MEGF9: variants seen among roughly 807,000 people sequenced by gnomAD.
MEGF9 encodes multiple epidermal growth factor-like domains protein 9.
In MEGF9, 6 loss-of-function variants were observed where a neutral mutation model predicts 46.8. The ratio of observed to expected loss-of-function variants is 0.13; its 90% CI spans 0.07 to 0.25. The LOEUF is 0.25. Among genes scored for constraint, MEGF9 ranks in the 10% least tolerant of loss-of-function variants. The pLI is 1.00. For synonymous variants in MEGF9, 302 were observed against 330.7 expected (o/e 0.91, Z 0.94); for missense variants, 683 against 792.4 (o/e 0.86, Z 1.66).
intron 1 of MEGF9, among the ~76,000 whole-genome samples, chr9:120,711,016 A>C (rs1261001870): frequency 1.3e-5 from 2 of 152,262 alleles, no homozygotes; most frequent in East Asian, 1.9e-4. Flanking sequence ...CACAGACGTA[A>C]GTATAATGTT....
intron 1 of MEGF9, among the ~76,000 whole-genome samples, chr9:120,667,218 G>A (rs1261982855): frequency 6.6e-6 from 1 of 152,192 alleles, no homozygotes; most frequent in Non-Finnish European, 1.5e-5. Flanking sequence ...ACTAATGATT[G>A]AGGCTTTTTC....
chr9:120,614,017 A>ATTT (rs5900454), intron 3 of MEGF9, among the ~76,000 whole-genome samples: 6 of 147,312 alleles, frequency 4.1e-5, no homozygotes, highest in Non-Finnish European at 6.0e-5. Context: ...AAAAAGCTCA[A>ATTT]TTTTTTTTTT....
Position 120,687,636 on chromosome 9 carries a change from T to G in MEGF9, c.601+26122A>C, listed in dbSNP as rs140018017. ...GAGTTTAAAAAAAGCATGGTAAGAG[T>G]TCATTATACAAAATTTGAAACATGA... On this transcript the variant is annotated intron_variant, in intron 1 of 5. Transcript: ENST00000373930. Among the ~76,000 whole-genome samples the G allele has an allele frequency of 2.8e-3, 420 of 150,262 alleles. 4 individuals carry two copies. The highest frequency in any genetic ancestry group is 9.9e-3 in the African/African-American group (403 of 40,836).
rs745974350 is a variant in MEGF9 at position 120,659,555 on chromosome 9, C to A, written c.622G>T (p.Val208Leu). Reference sequence around the variant, plus strand: ...CGATTCACATTCAGGCTTCCAACCACAGAGCAGTTACATACATACTCTGCA... The same window carrying A: ...CGATTCACATTCAGGCTTCCAACCAAAGAGCAGTTACATACATACTCTGCA... ...PPPEYVCNCS[V>L]VGSLNVNRCN... The change falls in exon 2 of 6, where the codon GTG becomes TTG. Residue 208 changes from valine (V) to leucine (L), a missense_variant. Transcript: ENST00000373930. 1 of 1,612,302 alleles carries A rather than the reference C, an allele frequency of 6.2e-7. No individual in the cohort carries two copies. Among genetic ancestry groups the A allele is most frequent in the East Asian group, 2.2e-5 (1 of 44,844 alleles).
intron 2 of MEGF9, among the ~76,000 whole-genome samples, chr9:120,653,262 A>T (rs1587985193): frequency 6.6e-6 from 1 of 152,090 alleles, no homozygotes; most frequent in African/African-American, 2.4e-5. Context: ...TAGAGCTCCT[A>T]AGCCTTCCTT....
intron 1 of MEGF9, among the ~76,000 whole-genome samples, chr9:120,669,248 A>C (rs1587990160): frequency 6.6e-6 from 1 of 152,298 alleles, no homozygotes; most frequent in East Asian, 1.9e-4. Context: ...TTGCTCAATG[A>C]TGGCAAATTT....
chr9:120,666,679 C>A (rs931519325), intron 1 of MEGF9, among the ~76,000 whole-genome samples: 1 of 152,254 alleles, frequency 6.6e-6, no homozygotes, highest in Admixed American at 6.5e-5. Flanking sequence ...GTTATAGTCA[C>A]ACAAAAACTT....
intron 2 of MEGF9, among the ~76,000 whole-genome samples, chr9:120,634,011 A>G (rs1336417760): frequency 6.6e-6 from 1 of 152,200 alleles, no homozygotes; most frequent in African/African-American, 2.4e-5. Flanking sequence ...CATGTGGTCT[A>G]TCCTGGAGAA....
chr9:120,650,784 T>G (rs17279091), intron 2 of MEGF9, among the ~76,000 whole-genome samples: 1,818 of 152,166 alleles, frequency 0.012, 28 homozygotes, highest in African/African-American at 0.042. Flanking sequence ...ATTTCTTATG[T>G]CATTGTATAA....
intron 1 of MEGF9, among the ~76,000 whole-genome samples, chr9:120,703,241 G>T (rs62578020): frequency 0.056 from 8,463 of 152,264 alleles, 311 homozygotes; most frequent in Middle Eastern, 0.088. Context: ...AGAATACAAT[G>T]CATGTCTAGT....
intron 1 of MEGF9, among the ~76,000 whole-genome samples, chr9:120,705,634 T>A (rs1230767635): frequency 1.3e-5 from 2 of 152,080 alleles, no homozygotes; most frequent in African/African-American, 4.8e-5. Flanking sequence ...GAGATTATTT[T>A]GATACAAATT....
chr9:120,602,558 C>T lies in MEGF9; in HGVS notation c.*2632G>A, dbSNP rs964848731. The T allele has an allele frequency of 2.6e-5, 4 of 152,170 alleles. No individual in the cohort carries two copies. Among genetic ancestry groups the T allele is most frequent in the Admixed American group, 2.6e-4 (4 of 15,260 alleles). The allele number at this position is 152,170 out of a possible 1,614,324, so 9.4% of individuals were successfully genotyped here. The stretch of plus-strand genomic sequence containing the variant: ...TTTTTCCCATTGAGAAAAATTATAA[C>T]CATGATCTAGGAGCCATTAACAAGT... On this transcript the variant is annotated 3_prime_UTR_variant, in exon 6 of 6. Coordinates refer to ENST00000373930, the MANE Select transcript of MEGF9 (RefSeq NM_001080497.3).
intron 1 of MEGF9, among the ~76,000 whole-genome samples, chr9:120,671,616 GT>G (rs1334895163): frequency 6.6e-6 from 1 of 152,156 alleles, no homozygotes; most frequent in Admixed American, 6.5e-5. Context: ...AGAATTTATA[GT>G]TTAAAACCTT....
intron 1 of MEGF9, among the ~76,000 whole-genome samples, chr9:120,677,155 A>C (rs1292715684): frequency 6.6e-6 from 1 of 151,558 alleles, no homozygotes; most frequent in Non-Finnish European, 1.5e-5. Context: ...ATGTGACCGG[A>C]TCTCCCTCGG....
rs2043418880 is a variant in MEGF9, at chr9:120,605,984, C to T, written c.1358-343G>A. Among the ~76,000 whole-genome samples the T allele has an allele frequency of 6.6e-6, 1 of 151,708 alleles. No individual in the cohort carries two copies. The highest frequency in any genetic ancestry group is 2.4e-5 in the African/African-American group (1 of 41,278). ...GTCAGGAGTTCAAGACCAGCCTGGC[C>T]AAGATGGTGAAACCTGTCTCTACTG... On this transcript the variant is annotated intron_variant, in intron 5 of 5. Transcript: ENST00000373930. The surrounding 1 kb of genome is among the most constrained non-coding windows in gnomAD (Gnocchi z 4.0).
At chr9:120,702,687 C>A (rs2043910789) in intron 1 of MEGF9, among the ~76,000 whole-genome samples, 1 of 151,938 alleles carries the variant, frequency 6.6e-6, no homozygotes, top group African/African-American at 2.4e-5. Context: ...AGGACAAATC[C>A]AAAATATAAG....
Position 120,653,158 on chromosome 9 carries a change from A to C in MEGF9, c.803+6216T>G, listed in dbSNP as rs1298503856. 3.3e-5 allele frequency among the ~76,000 whole-genome samples: 5 copies of C among 152,200 alleles called. No homozygotes were observed. The East Asian group carries it at 9.6e-4, about 29-fold the overall frequency. Reference sequence around the variant, plus strand: ...TCAGAGTTCATCCACATCTTCTTGCAAAGTACACAGTCCTGCAACTTTCCA... The same window carrying C: ...TCAGAGTTCATCCACATCTTCTTGCCAAGTACACAGTCCTGCAACTTTCCA... On this transcript the variant is annotated intron_variant, in intron 2 of 5. Coordinates refer to ENST00000373930, the MANE Select transcript of MEGF9 (RefSeq NM_001080497.3).
chr9:120,636,134 C>T (rs935256219), intron 2 of MEGF9, among the ~76,000 whole-genome samples: 3 of 152,132 alleles, frequency 2.0e-5, no homozygotes, highest in African/African-American at 4.8e-5. Context: ...GATGGGATTT[C>T]GTCATATTGG....
At chr9:120,670,750 C>T (rs769218698) in intron 1 of MEGF9, among the ~76,000 whole-genome samples, 1 of 152,116 alleles carries the variant, frequency 6.6e-6, no homozygotes, top group Non-Finnish European at 1.5e-5. Context: ...CCTCCAACTG[C>T]GCTCTTTATC....
Sources: allele counts gnomAD v4.1 joint callset (sites outside exome capture counted in the v4.1 genomes callset), GRCh38; gene constraint gnomAD v4.1.1; non-coding constraint Gnocchi (gnomAD v3.1); transcripts MANE v1.5; gene names NCBI Gene and HGNC (gene_info 2026-07-23, HGNC 2026-07-21).